The following SH3BP2 variants were observed in gnomAD, a reference collection of about 807,000 sequenced individuals.
SH3BP2 encodes SH3 domain-binding protein 2.
SH3BP2 carries 38 observed loss-of-function variants against 56.2 expected under a neutral mutation model. The ratio of observed to expected loss-of-function variants is 0.68; its 90% confidence interval spans 0.52 to 0.89. The LOEUF is 0.89. Ranked by LOEUF, SH3BP2 falls within the 40% of genes least tolerant of loss-of-function variation. SH3BP2 has a pLI of 0.00. For synonymous variants in SH3BP2, 346 were observed against 316.7 expected (o/e 1.09, Z -0.98); for missense variants, 748 against 762.6 (o/e 0.98, Z 0.23).
intron 8 of SH3BP2, among the ~76,000 whole-genome samples, 183 bp downstream of exon 8, chr4:2,830,330 A>G (rs933153853): frequency 1.3e-5 from 2 of 152,230 alleles, no homozygotes; most frequent in Admixed American, 6.5e-5. Flanking sequence ...GAGCATGTCC[A>G]TGACTCAGCC....
chr4:2,825,173 G>A lies in SH3BP2; in HGVS notation c.405G>A (p.Lys135=). ...GGGAGATTGGCCACTTCCACGAAAA[G>A]AAAGACCTGCCCTTGGACACCAGGT... The part of the protein sequence containing the change: ...LRREIGHFHE[K]KDLPLDTSDS... Residue 135 remains lysine, a synonymous_variant, in exon 5 of 13, where the codon AAG becomes AAA. Transcript: ENST00000503393. The A allele has an allele frequency of 1.3e-6, 2 of 1,584,084 alleles. No homozygotes were observed. The highest frequency in any genetic ancestry group is 1.7e-6 in the Non-Finnish European group (2 of 1,165,048).
chr4:2,839,994 G>A lies in SH3BP2; in HGVS notation c.*6160G>A, dbSNP rs1725364690. The A allele has an allele frequency of 2.0e-5, 3 of 152,052 alleles. No homozygotes were observed. Among genetic ancestry groups the A allele is most frequent in the Admixed American group, 6.6e-5 (1 of 15,262 alleles). The allele number at this position is 152,052 out of a possible 1,614,324, so 9.4% of individuals were successfully genotyped here. On this transcript the variant is annotated 3_prime_UTR_variant, in exon 13 of 13. Coordinates refer to ENST00000503393, the MANE Select transcript of SH3BP2 (RefSeq NM_001122681.2). ...TAATGCCAGCACTTTGGGGGCAGAG[G>A]CAGGAGGATTACTTGAGCTCAGGAG...
intron 4 of SH3BP2, 49 bp downstream of exon 4, chr4:2,824,779 T>A: frequency 7.2e-7 from 1 of 1,393,448 alleles, no homozygotes; most frequent in Non-Finnish European, 1.0e-6. Flanking sequence ...GGTGTGGGCC[T>A]GCAGGCACCA....
chr4:2,833,127 C>T (rs1234354622), intron 12 of SH3BP2, 78 bp downstream of exon 12: 12 of 1,338,136 alleles, frequency 9.0e-6, no homozygotes, highest in Middle Eastern at 1.8e-4. Flanking sequence ...CCTGATGAGG[C>T]ATAGGCAGCG....
rs1423374014 is a variant in SH3BP2, at chr4:2,838,665, A to G, written c.*4831A>G. ...GATTTTTTTTTTTAGCTCATCAGCT[A>G]TAGTTAGTGGTAGTGTATTTTATGC... On this transcript the variant is annotated 3_prime_UTR_variant, in exon 13 of 13. Coordinates refer to ENST00000503393, the MANE Select transcript of SH3BP2 (RefSeq NM_001122681.2). 2 of 142,870 alleles carry G rather than the reference A, an allele frequency of 1.4e-5. No homozygotes were observed. Among genetic ancestry groups the G allele is most frequent in the Admixed American group, 6.8e-5 (1 of 14,698 alleles). The allele number at this position is 142,870 out of a possible 1,614,324, so 8.9% of individuals were successfully genotyped here. A position where few individuals can be genotyped will look rare whatever the true frequency, so the allele number is the denominator to read the frequency against.
intron 1 of SH3BP2, among the ~76,000 whole-genome samples, chr4:2,815,149 A>C (rs1383518283): frequency 6.6e-6 from 1 of 151,952 alleles, no homozygotes; most frequent in Non-Finnish European, 1.5e-5. Flanking sequence ...GCCCATCATC[A>C]CCCTCAGCCT....
chr4:2,807,723 G>A (rs541872185), intron 1 of SH3BP2, among the ~76,000 whole-genome samples: 1 of 152,198 alleles, frequency 6.6e-6, no homozygotes, highest in Admixed American at 6.5e-5. Flanking sequence ...CTGCTGCGCC[G>A]TGGTGAATGT....
intron 2 of SH3BP2, among the ~76,000 whole-genome samples, chr4:2,821,609 G>T (rs947676685): frequency 1.3e-5 from 2 of 152,204 alleles, no homozygotes; most frequent in Admixed American, 6.5e-5. Context: ...GCCCAAGCTG[G>T]AGTGTAGTGG....
At chr4:2,807,546 C>T (rs1723582191) in intron 1 of SH3BP2, among the ~76,000 whole-genome samples, 1 of 152,158 alleles carries the variant, frequency 6.6e-6, no homozygotes, top group African/African-American at 2.4e-5. Flanking sequence ...GGGCAAGGTT[C>T]TAGATGGTTC....
intron 1 of SH3BP2, among the ~76,000 whole-genome samples, chr4:2,798,394 A>G (rs988093088): frequency 7.2e-5 from 11 of 152,224 alleles, no homozygotes; most frequent in African/African-American, 2.2e-4. Context: ...TAGGAGGGCA[A>G]TGGGGAAAGA....
In SH3BP2 at chr4:2,793,096, C is replaced by T. The variant is rs1722949324; in HGVS notation, c.-47C>T. On this transcript the variant is annotated 5_prime_UTR_variant, in exon 1 of 13. Coordinates refer to ENST00000503393, the MANE Select transcript of SH3BP2 (RefSeq NM_001122681.2). Reference sequence around the variant, plus strand: ...AGCGCCTGGCGGCCGAGTCAAGCCGCCGCCTCGACCCAGGGCCCGCGGGCC... The same window carrying T: ...AGCGCCTGGCGGCCGAGTCAAGCCGTCGCCTCGACCCAGGGCCCGCGGGCC... 1 of 150,228 alleles carries T rather than the reference C, an allele frequency of 6.7e-6. No individual in the cohort carries two copies. The highest frequency in any genetic ancestry group is 2.4e-5 in the African/African-American group (1 of 40,898). The allele number at this position is 150,228 out of a possible 1,614,324, so 9.3% of individuals were successfully genotyped here.
In SH3BP2 at chr4:2,833,031, C is replaced by T; in HGVS notation, c.1530C>T (p.Asn510=). Residue 510 remains asparagine (N), a synonymous_variant, in exon 12 of 13, where the codon AAC becomes AAT. Transcript: ENST00000503393. ...ACGAAACCTCTAACAAAGTGAGGAA[C>T]TATCGCATTTTTGAGAAGGTGAGAG... ...VWDETSNKVR[N]YRIFEKDSKF... 1.2e-6 allele frequency: 2 copies of T among 1,614,214 alleles called. No homozygotes were observed. The highest frequency in any genetic ancestry group is 1.7e-6 in the Non-Finnish European group (2 of 1,180,034).
chr4:2,829,764 C>CTG lies in SH3BP2; in HGVS notation c.858_859insTG (p.Thr287Ter), dbSNP rs769579513. 1.4e-5 allele frequency: 23 copies of CTG among 1,612,978 alleles called. No individual in the cohort carries two copies. ...GCGATCCCCCTCTGAGCACCATGCC[C>CTG]ACCGCACCCGGCCTCCGGAAACCCC... On this transcript the variant is annotated frameshift_variant, in exon 8 of 13. Coordinates refer to ENST00000503393, the MANE Select transcript of SH3BP2 (RefSeq NM_001122681.2). LOFTEE classifies it high-confidence loss of function. This position sits in a 1 kb window ranked among gnomAD's most constrained non-coding sequence, Gnocchi z 4.9.
At position 2,832,292 on chromosome 4, in the gene SH3BP2, G is replaced by A. The variant is rs776356521; in HGVS notation, c.1407-39G>A. The A allele has an allele frequency of 1.2e-5, 18 of 1,543,662 alleles. 1 individual carries two copies. Among genetic ancestry groups the A allele is most frequent in the South Asian group, 4.5e-5 (4 of 89,690 alleles). On this transcript the variant is annotated intron_variant, in intron 10 of 12. Transcript: ENST00000503393. ...GGGAAGGTCCGTGTGAAAGCTGCCC[G>A]AGGAGGACTCACCCGCTAATATGAC...
At chr4:2,827,130 T>C (rs1163913932) in intron 5 of SH3BP2, 100 bp from the exon 6 acceptor site, 1 of 874,088 alleles carries the variant, frequency 1.1e-6, no homozygotes, top group South Asian at 1.3e-5. Flanking sequence ...TGTGTATCTG[T>C]CCATGTATCC....
At chr4:2,828,145 AC>A (rs1326889338) in intron 7 of SH3BP2, among the ~76,000 whole-genome samples, 1 of 151,958 alleles carries the variant, frequency 6.6e-6, no homozygotes, top group Non-Finnish European at 1.5e-5. Flanking sequence ...CACGTGGATG[AC>A]GGAAGCACGA....
chr4:2,826,509 T>C lies in SH3BP2; in HGVS notation c.429-721T>C, dbSNP rs570469517. 449 of 245,032 alleles carry C rather than the reference T, an allele frequency of 1.8e-3. 2 individuals are homozygous for C. Among genetic ancestry groups the C allele is most frequent in the African/African-American group, 0.01 (426 of 41,010 alleles). The allele number at this position is 245,032 out of a possible 1,614,324, so 15.2% of individuals were successfully genotyped here. ...TTGTGTGTGCATGTCTGCGTGTTGC[T>C]CTGTGTGTGTGTGCATGTCCGCGTG... is the stretch of plus-strand genomic sequence containing the variant. On this transcript the variant is annotated intron_variant, in intron 5 of 12. Transcript: ENST00000503393.
At chr4:2,799,790 G>A (rs1723184050) in intron 1 of SH3BP2, among the ~76,000 whole-genome samples, 2 of 152,188 alleles carry the variant, frequency 1.3e-5, no homozygotes, top group South Asian at 2.1e-4. Flanking sequence ...GGCGCCTCAC[G>A]GATCCCCCCG....
At position 2,834,570 on chromosome 4, in the gene SH3BP2, C is replaced by T. The variant is rs79382439; in HGVS notation, c.*736C>T. On this transcript the variant is annotated 3_prime_UTR_variant, in exon 13 of 13. Transcript: ENST00000503393. ...GCTGCTGCAGAGCTAGAAGGCCCTG[C>T]AGCTACAGCTGCTTCATTCCCTGCA... 5.2e-3 allele frequency: 791 copies of T among 152,546 alleles called. 10 individuals carry two copies. The highest frequency in any genetic ancestry group is 5.5e-3 in the Non-Finnish European group (375 of 68,154). The allele number at this position is 152,546 out of a possible 1,614,324, so 9.4% of individuals were successfully genotyped here. A position where few individuals can be genotyped will look rare whatever the true frequency, so the allele number is the denominator to read the frequency against.
Sources: gnomAD v4.1 joint callset for allele counts (sites outside exome capture counted in the v4.1 genomes callset) on GRCh38, gnomAD v4.1.1 for gene constraint, Gnocchi (gnomAD v3.1) non-coding constraint, MANE v1.5 for transcripts, NCBI Gene and HGNC (gene_info 2026-07-23, HGNC 2026-07-21) for gene names.